The following SPTLC3 variants were observed in gnomAD, a reference collection of about 807,000 sequenced individuals.
The protein encoded by SPTLC3 is serine palmitoyltransferase long chain base subunit 3.
A neutral mutation model predicts 59.3 loss-of-function variants in SPTLC3; 36 were observed. The observed-to-expected ratio is 0.61, with a 90% CI of 0.47 to 0.80. The LOEUF (loss-of-function observed/expected upper bound fraction) is 0.80, where lower values mean the gene tolerates loss of function less well. Ranked by LOEUF, SPTLC3 falls within the 30% of genes least tolerant of loss-of-function variation. The probability of loss-of-function intolerance (pLI) is 0.00; values close to 1 mark genes in which losing one functional copy is unlikely to be tolerated. For synonymous variants in SPTLC3, 257 were observed against 240.8 expected (o/e 1.07, Z -0.62); for missense variants, 625 against 685.1 (o/e 0.91, Z 0.98).
chr20:13,149,092 A>C (rs2038583954), intron 9 of SPTLC3, among the ~76,000 whole-genome samples: 1 of 152,202 alleles, frequency 6.6e-6, no homozygotes, highest in African/African-American at 2.4e-5. Context: ...CAGCCTCCTC[A>C]GAGAATCCAA....
intron 4 of SPTLC3, among the ~76,000 whole-genome samples, chr20:13,075,697 G>T (rs1163783193): frequency 6.6e-6 from 1 of 152,128 alleles, no homozygotes; most frequent in Admixed American, 6.5e-5. Flanking sequence ...TGGAGATGGG[G>T]CAGAGACTGG....
chr20:13,122,284 T>C (rs981175876), intron 8 of SPTLC3, among the ~76,000 whole-genome samples: 3 of 152,228 alleles, frequency 2.0e-5, no homozygotes, highest in East Asian at 3.8e-4. Flanking sequence ...CATGAAACAT[T>C]TGGAGACCAA....
chr20:13,060,395 T>TA (rs1423030181), intron 2 of SPTLC3, among the ~76,000 whole-genome samples: 1 of 145,424 alleles, frequency 6.9e-6, no homozygotes, highest in Non-Finnish European at 1.5e-5. Flanking sequence ...TTTATTTATT[T>TA]ATTTATTTAT....
In SPTLC3 at chr20:13,067,073, A is replaced by AC. The variant is rs1406661397; in HGVS notation, c.304-5183_304-5182insC. Among the ~76,000 whole-genome samples the AC allele has an allele frequency of 3.6e-3, 29 of 8,036 alleles. 9 individuals carry two copies. Among genetic ancestry groups the AC allele is most frequent in the African/African-American group, 0.034 (29 of 844 alleles). The allele number at this position is 8,036 out of a possible 152,430, so 5.3% of individuals were successfully genotyped here. The stretch of plus-strand genomic sequence containing the variant: ...TATATATATATATATATATATATAT[A>AC]TATATATATATATATATATATATAT... On this transcript the variant is annotated intron_variant, in intron 2 of 11. Coordinates refer to ENST00000399002, the MANE Select transcript of SPTLC3 (RefSeq NM_018327.4).
At chr20:13,053,513 G>A (rs955686652) in intron 2 of SPTLC3, among the ~76,000 whole-genome samples, 5 of 152,036 alleles carry the variant, frequency 3.3e-5, no homozygotes, top group Non-Finnish European at 5.9e-5. Flanking sequence ...TCGCCAGCAA[G>A]GGAACAAAAC....
chr20:13,114,950 C>T (rs907283054), intron 7 of SPTLC3, among the ~76,000 whole-genome samples: 23 of 152,206 alleles, frequency 1.5e-4, no homozygotes, highest in Admixed American at 1.4e-3. Context: ...AGGAATTATT[C>T]ACTGGCTTGC....
At chr20:13,068,761 AAAC>A (rs1024273954) in intron 2 of SPTLC3, among the ~76,000 whole-genome samples, 4 of 151,202 alleles carry the variant, frequency 2.6e-5, no homozygotes, top group Non-Finnish European at 4.4e-5. Flanking sequence ...AAAAAAAAAA[AAAC>A]AACAACAACA....
intron 9 of SPTLC3, among the ~76,000 whole-genome samples, chr20:13,149,723 CT>C (rs1015349444): frequency 6.6e-6 from 1 of 152,208 alleles, no homozygotes; most frequent in African/African-American, 2.4e-5. Context: ...TGGATATCAT[CT>C]GTTTGGTCAA....
In SPTLC3 at chr20:13,091,120, G is replaced by A; in HGVS notation, c.645G>A (p.Val215=). Residue 215 remains valine (V), a synonymous_variant, in exon 5 of 12, where the codon GTG becomes GTA. Transcript: ENST00000399002. ...LDKHKELEDL[V]AKFLNVEAAM... ...AGCACAAGGAGTTGGAGGACCTTGT[G>A]GCTAAGTTCCTGAATGTGGAAGCAG... 1 of 1,613,988 alleles carries A rather than the reference G, an allele frequency of 6.2e-7. No individual in the cohort carries two copies. Among genetic ancestry groups the A allele is most frequent in the Non-Finnish European group, 8.5e-7 (1 of 1,179,904 alleles).
intron 8 of SPTLC3, 47 bp downstream of exon 8, chr20:13,117,772 G>A: frequency 1.3e-6 from 2 of 1,525,422 alleles, no homozygotes; most frequent in Non-Finnish European, 1.8e-6. Context: ...AGCGCCCTGG[G>A]GATGCCGTGT....
rs35718222 is a variant in SPTLC3, at chr20:13,132,171, ATTT to A, written c.1279+5475_1279+5477del. 8.2e-4 allele frequency among the ~76,000 whole-genome samples: 85 copies of A among 103,976 alleles called. No homozygotes were observed. In the Middle Eastern group the frequency reaches 0.019, roughly 24 times the overall value. 68.2% of individuals were successfully genotyped at this position (103,976 alleles called of 152,430 possible). A position where few individuals can be genotyped will look rare whatever the true frequency, so the allele number is the denominator to read the frequency against. ...CTCTAATTCTCCTCACCTTGCTTTA[ATTT>A]TTTTTTTTTTTTTTTTTTTTGACAT... On this transcript the variant is annotated intron_variant, in intron 9 of 11. Coordinates refer to ENST00000399002, the MANE Select transcript of SPTLC3 (RefSeq NM_018327.4).
At chr20:13,146,310 G>A (rs1410539436) in intron 9 of SPTLC3, among the ~76,000 whole-genome samples, 2 of 152,092 alleles carry the variant, frequency 1.3e-5, no homozygotes, top group Admixed American at 1.3e-4. Flanking sequence ...AGGAGCAGAA[G>A]AGAGAACTAT....
intron 9 of SPTLC3, among the ~76,000 whole-genome samples, chr20:13,128,759 T>C (rs1045081104): frequency 6.6e-6 from 1 of 151,936 alleles, no homozygotes; most frequent in Non-Finnish European, 1.5e-5. Context: ...GACATGATCT[T>C]GGCTCACTAC....
intron 8 of SPTLC3, among the ~76,000 whole-genome samples, chr20:13,122,375 CTG>C (rs2037886784): frequency 1.3e-5 from 2 of 152,162 alleles, no homozygotes; most frequent in Non-Finnish European, 2.9e-5. Flanking sequence ...GGAACAGTCT[CTG>C]GGTTAGGGAA....
chr20:13,152,644 C>T (rs943431677), intron 9 of SPTLC3, among the ~76,000 whole-genome samples: 1 of 152,082 alleles, frequency 6.6e-6, no homozygotes, highest in Non-Finnish European at 1.5e-5. Context: ...TCAAATAGTC[C>T]CTAGTTGTGC....
At chr20:13,108,436 T>C (rs1016416333) in intron 6 of SPTLC3, among the ~76,000 whole-genome samples, 1 of 152,166 alleles carries the variant, frequency 6.6e-6, no homozygotes, top group African/African-American at 2.4e-5. Context: ...AAAGACAAAG[T>C]TGAAGGGCTC....
At chr20:13,009,440 T>C in intron 1 of SPTLC3, 56 bp downstream of exon 1, 1 of 1,473,998 alleles carries the variant, frequency 6.8e-7, no homozygotes, top group South Asian at 1.2e-5. Context: ...TCAATATTTC[T>C]CTGTGAAGAT....
intron 1 of SPTLC3, among the ~76,000 whole-genome samples, chr20:13,023,912 A>C (rs1414807656): frequency 1.3e-5 from 2 of 152,164 alleles, no homozygotes; most frequent in Admixed American, 1.3e-4. Context: ...GAAAATGACT[A>C]ATCTCCCAAG....
chr20:13,091,667 A>T (rs1989227397), intron 5 of SPTLC3, among the ~76,000 whole-genome samples: 1 of 152,134 alleles, frequency 6.6e-6, no homozygotes, highest in Admixed American at 6.5e-5. Flanking sequence ...TAAGTATGCC[A>T]GCTTAGTCCA....
Sources: gnomAD v4.1 joint callset for allele counts (sites outside exome capture counted in the v4.1 genomes callset) on GRCh38, gnomAD v4.1.1 for gene constraint, MANE v1.5 for transcripts, NCBI Gene and HGNC (gene_info 2026-07-23, HGNC 2026-07-21) for gene names.